Variants in PCNX2 observed in about 807,000 individuals in gnomAD.
PCNX2 encodes pecanex-like protein 2.
PCNX2 carries 168 observed loss-of-function variants against 223.8 expected under a neutral mutation model. That is an observed-to-expected ratio of 0.75 (90% CI 0.66 to 0.85). The LOEUF (loss-of-function observed/expected upper bound fraction) is 0.85. PCNX2 is among the 40% of genes least tolerant of loss of function. The pLI, the probability that PCNX2 is intolerant of heterozygous loss-of-function variation, is 0.00. For synonymous variants in PCNX2, 1,006 were observed against 1,052.6 expected (o/e 0.96, Z 0.86); for missense variants, 2,507 against 2,675.5 (o/e 0.94, Z 1.39).
chr1:233,119,937 C>T (rs144546195), intron 21 of PCNX2, among the ~76,000 whole-genome samples: 19,862 of 151,644 alleles, frequency 0.13, 1,406 homozygotes, highest in East Asian at 0.19. Flanking sequence ...GAGGCCGAGG[C>T]GGGTGGATCA....
At chr1:233,165,958 A>T (rs1678768814) in intron 17 of PCNX2, among the ~76,000 whole-genome samples, 1 of 152,194 alleles carries the variant, frequency 6.6e-6, no homozygotes, top group South Asian at 2.1e-4. Context: ...ACCTGGTTTC[A>T]AGGTTTATTA....
At chr1:233,317,593 T>C in the PCNX2 span, among the ~76,000 whole-genome samples, 1 of 152,010 alleles carries the variant, frequency 6.6e-6, no homozygotes, top group Non-Finnish European at 1.5e-5. Context: ...ATTCTGACTA[T>C]CCTAAGGAAA....
At chr1:233,162,484 T>C (rs1047037881) in intron 17 of PCNX2, among the ~76,000 whole-genome samples, 5 of 152,214 alleles carry the variant, frequency 3.3e-5, no homozygotes, top group Non-Finnish European at 5.9e-5. Flanking sequence ...TCCAAAGTGA[T>C]AAAAAGAAAC....
chr1:233,198,554 T>C lies in PCNX2; in HGVS notation c.3066+385A>G, dbSNP rs577265825. Among the ~76,000 whole-genome samples the C allele has an allele frequency of 1.1e-4, 16 of 152,362 alleles. 1 individual carries two copies. The South Asian group carries it at 3.1e-3, about 30-fold the overall frequency. On this transcript the variant is annotated intron_variant, in intron 15 of 33. Coordinates refer to ENST00000258229, the MANE Select transcript of PCNX2 (RefSeq NM_014801.4). ...ATTTTGTGGCTGTCATATCCTCTTC[T>C]GTCCTCTTGTCTATCTAGCTTTAAG...
intron 9 of PCNX2, among the ~76,000 whole-genome samples, chr1:233,235,957 A>T (rs747308430): frequency 0.016 from 1,486 of 93,070 alleles, 23 homozygotes; most frequent in South Asian, 0.025. Flanking sequence ...CATAAAAAAA[A>T]ATATATATAT....
At chr1:233,034,267 T>A (rs1322544153) in intron 25 of PCNX2, among the ~76,000 whole-genome samples, 1 of 152,126 alleles carries the variant, frequency 6.6e-6, no homozygotes, top group Non-Finnish European at 1.5e-5. Context: ...GATTGGGTTA[T>A]GAGGGTGCGG....
intron 21 of PCNX2, among the ~76,000 whole-genome samples, chr1:233,101,776 T>C (rs1022518855): frequency 1.3e-5 from 2 of 152,162 alleles, no homozygotes; most frequent in African/African-American, 4.8e-5. Flanking sequence ...TGGATATAGG[T>C]CTTAGGAGCT....
intron 19 of PCNX2, among the ~76,000 whole-genome samples, chr1:233,148,408 T>C (rs1677588368): frequency 6.6e-6 from 1 of 151,814 alleles, no homozygotes; most frequent in South Asian, 2.1e-4. Flanking sequence ...TGACAGGATA[T>C]TAATTTCACT....
chr1:233,281,392 C>T (rs958854049), intron 1 of PCNX2, among the ~76,000 whole-genome samples: 1 of 152,136 alleles, frequency 6.6e-6, no homozygotes, highest in Non-Finnish European at 1.5e-5. Flanking sequence ...CTGAAACACA[C>T]AGTAAATCCA....
At chr1:233,203,484 A>G (rs556471919) in intron 13 of PCNX2, among the ~76,000 whole-genome samples, 1 of 152,356 alleles carries the variant, frequency 6.6e-6, no homozygotes, top group South Asian at 2.1e-4. Flanking sequence ...TTCTGAACAT[A>G]TATGAGGGAT....
chr1:233,156,616 G>A (rs1326282889), intron 19 of PCNX2, among the ~76,000 whole-genome samples: 3 of 152,000 alleles, frequency 2.0e-5, no homozygotes, highest in Non-Finnish European at 2.9e-5. Context: ...CTCTGGAGGG[G>A]CCGATTTTAA....
chr1:233,151,629 A>G (rs528658542), intron 19 of PCNX2, among the ~76,000 whole-genome samples: 9 of 152,180 alleles, frequency 5.9e-5, no homozygotes, highest in African/African-American at 2.2e-4. Context: ...TGAGGCTGGC[A>G]GCTAACCATT....
At chr1:233,187,362 A>G (rs573418677) in intron 15 of PCNX2, among the ~76,000 whole-genome samples, 2 of 152,328 alleles carry the variant, frequency 1.3e-5, no homozygotes, top group South Asian at 4.1e-4. Flanking sequence ...GAGAGAAGAT[A>G]AACTTTGGCT....
intron 23 of PCNX2, among the ~76,000 whole-genome samples, chr1:233,062,960 G>A (rs12084621): frequency 0.21 from 31,470 of 152,154 alleles, 5,214 homozygotes; most frequent in African/African-American, 0.46. Context: ...AAGAGGCCGG[G>A]CACGGTGGCT....
At chr1:233,196,909 A>G (rs556330461) in intron 15 of PCNX2, among the ~76,000 whole-genome samples, 1 of 152,316 alleles carries the variant, frequency 6.6e-6, no homozygotes, top group African/African-American at 2.4e-5. Flanking sequence ...GCAAGTGAAC[A>G]TGAAAACATA....
intron 18 of PCNX2, 86 bp from the exon 19 acceptor site, chr1:233,160,519 C>T: frequency 1.4e-6 from 2 of 1,413,098 alleles, no homozygotes; most frequent in Admixed American, 2.0e-5. Flanking sequence ...CATCACTGTC[C>T]TTCCACTTTT....
Position 233,258,462 on chromosome 1 carries a change from C to G in PCNX2, c.1400G>C (p.Cys467Ser). The change falls in exon 5 of 34, where the codon TGT becomes TCT. Residue 467 changes from cysteine (C) to serine (S), a missense_variant. By Grantham distance (112) the Cys-to-Ser change is moderately radical. This residue lies in a region of PCNX2 where 1,031 missense variants were observed against 1,021.7 expected (regional missense o/e 1.01). Coordinates refer to ENST00000258229, the MANE Select transcript of PCNX2 (RefSeq NM_014801.4). ...CCCCTCCCCAGATCCGTAGCCAGAA[C>G]ACTGATTGGTGGATACCCTCGTCTT... ...RLKTRVSTNQ[C>S]SGYGSGEGGN... The G allele has an allele frequency of 6.2e-7, 1 of 1,613,974 alleles. No individual in the cohort carries two copies. The highest frequency in any genetic ancestry group is 8.5e-7 in the Non-Finnish European group (1 of 1,179,892).
At chr1:233,235,310 G>C (rs1246504858) in intron 9 of PCNX2, among the ~76,000 whole-genome samples, 1 of 152,166 alleles carries the variant, frequency 6.6e-6, no homozygotes, top group Non-Finnish European at 1.5e-5. Flanking sequence ...TGTTTTGAGA[G>C]AGGATCTCAC....
intron 12 of PCNX2, among the ~76,000 whole-genome samples, chr1:233,213,616 G>A (rs1008874870): frequency 1.5e-4 from 23 of 152,028 alleles, no homozygotes; most frequent in Non-Finnish European, 2.6e-4. Flanking sequence ...AACCTGAAGT[G>A]GATACCAAAT....
Sources: allele counts gnomAD v4.1 joint callset (sites outside exome capture counted in the v4.1 genomes callset), GRCh38; gene constraint gnomAD v4.1.1; regional missense constraint gnomAD v4.1.1; transcripts MANE v1.5; gene names NCBI Gene and HGNC (gene_info 2026-07-23, HGNC 2026-07-21).